The following ANO2 variants were observed in gnomAD, a reference collection of about 807,000 sequenced individuals.
ANO2 encodes anoctamin-2.
In ANO2, 101 loss-of-function variants were observed where a neutral mutation model predicts 124.2. The ratio of observed to expected loss-of-function variants is 0.81; its 90% CI spans 0.69 to 0.96. The LOEUF (loss-of-function observed/expected upper bound fraction) is 0.96. Among genes scored for constraint, ANO2 ranks in the 40% least tolerant of loss-of-function variants. The pLI is 0.00. For missense variants in ANO2, 1,293 were observed against 1,274.5 expected (o/e 1.01, Z -0.22); for synonymous variants, 486 against 482.5 (o/e 1.01, Z -0.09).
chr12:5,942,311 C>T (rs549978524), intron 1 of ANO2, among the ~76,000 whole-genome samples: 3 of 152,252 alleles, frequency 2.0e-5, no homozygotes, highest in South Asian at 4.1e-4. Context: ...AAGGCAAAAA[C>T]GTTCCTCTTT....
chr12:5,574,435 T>C (rs774722251), intron 23 of ANO2, among the ~76,000 whole-genome samples: 3 of 152,184 alleles, frequency 2.0e-5, no homozygotes, highest in Non-Finnish European at 4.4e-5. Flanking sequence ...TCGTTTTAAA[T>C]GTAACATGAT....
chr12:5,590,822 C>T (rs1943359732), intron 20 of ANO2, among the ~76,000 whole-genome samples: 1 of 152,148 alleles, frequency 6.6e-6, no homozygotes, highest in South Asian at 2.1e-4. Flanking sequence ...ATATGGGGGC[C>T]AATGGAATTT....
intron 7 of ANO2, among the ~76,000 whole-genome samples, chr12:5,816,808 T>A (rs1953625188): frequency 6.6e-6 from 1 of 152,192 alleles, no homozygotes. Flanking sequence ...TGTATCTCTA[T>A]TATAGCACCT....
At chr12:5,826,646 A>T (rs1227994134) in intron 7 of ANO2, among the ~76,000 whole-genome samples, 1 of 152,132 alleles carries the variant, frequency 6.6e-6, no homozygotes, top group Non-Finnish European at 1.5e-5. Flanking sequence ...TGAATATAGC[A>T]AAGCAAATTC....
At chr12:5,744,060 A>G (rs556515482) in intron 12 of ANO2, 97 bp downstream of exon 12, 1 of 1,474,108 alleles carries the variant, frequency 6.8e-7, no homozygotes, top group Admixed American at 2.1e-5. Context: ...AAAAAATGCG[A>G]AAGTAAGTAA....
chr12:5,916,560 T>A (rs186858517), intron 3 of ANO2, among the ~76,000 whole-genome samples: 6 of 149,074 alleles, frequency 4.0e-5, no homozygotes, highest in Non-Finnish European at 8.9e-5. Flanking sequence ...TAGTTAATGA[T>A]AATGTGTCAG....
intron 14 of ANO2, among the ~76,000 whole-genome samples, chr12:5,684,924 C>T (rs1948644179): frequency 6.6e-6 from 1 of 152,204 alleles, no homozygotes; most frequent in Non-Finnish European, 1.5e-5. Context: ...GACTCAAGCA[C>T]ATGACCTGTT....
chr12:5,615,313 G>A lies in ANO2; in HGVS notation c.1817-16C>T, dbSNP rs1417251333. The A allele has an allele frequency of 3.1e-6, 5 of 1,592,196 alleles. No individual in the cohort carries two copies. Among genetic ancestry groups the A allele is most frequent in the South Asian group, 2.3e-5 (2 of 88,682 alleles). On this transcript the variant is annotated splice_polypyrimidine_tract_variant and intron_variant, in intron 16 of 24. Transcript: ENST00000682330. ...TTCGGAACCTCTGTAAGAGAAGAGC[G>A]AGGCTGATGAGATTGGGGTGAGATT...
chr12:5,783,229 A>AT (rs1266421936), intron 10 of ANO2, among the ~76,000 whole-genome samples: 1 of 152,134 alleles, frequency 6.6e-6, no homozygotes, highest in Non-Finnish European at 1.5e-5. Flanking sequence ...TCATGATTAC[A>AT]TTTTATCTTG....
chr12:5,749,015 G>T (rs1209780470), intron 11 of ANO2, among the ~76,000 whole-genome samples: 1 of 151,830 alleles, frequency 6.6e-6, no homozygotes, highest in African/African-American at 2.4e-5. Context: ...GATTTGATTT[G>T]CAAACCATTT....
In ANO2 at chr12:5,602,395, C is replaced by T. The variant is rs566293988; in HGVS notation, c.2088-2766G>A. On this transcript the variant is annotated intron_variant, in intron 19 of 24. Transcript: ENST00000682330. The stretch of plus-strand genomic sequence containing the variant: ...CCTCCCAAGTAGCTAGGACTACAGG[C>T]ATGCACCACCAGGCCCAGCTAATAT... Among the ~76,000 whole-genome samples, 4 of 152,116 alleles carry T rather than the reference C, an allele frequency of 2.6e-5. No homozygotes were observed. The East Asian group carries it at 7.7e-4, about 29-fold the overall frequency.
At chr12:5,917,663 G>A (rs1193721138) in intron 3 of ANO2, among the ~76,000 whole-genome samples, 1 of 149,842 alleles carries the variant, frequency 6.7e-6, no homozygotes, top group African/African-American at 2.5e-5. Flanking sequence ...CACCTCCAGA[G>A]TTCAGGCAAT....
intron 10 of ANO2, among the ~76,000 whole-genome samples, chr12:5,766,570 G>T (rs558228738): frequency 6.6e-6 from 1 of 152,328 alleles, no homozygotes; most frequent in Admixed American, 6.5e-5. Flanking sequence ...ATGGGGACTG[G>T]AGTTTCCTGG....
chr12:5,578,162 C>T (rs549890100), intron 21 of ANO2, among the ~76,000 whole-genome samples, 155 bp from the exon 22 acceptor site: 1 of 152,210 alleles, frequency 6.6e-6, no homozygotes, highest in African/African-American at 2.4e-5. Context: ...AGGTAGCCCC[C>T]CCATCTGGAA....
chr12:5,565,383 AAG>A (rs1941686375), intron 24 of ANO2, among the ~76,000 whole-genome samples, 173 bp downstream of exon 24: 1 of 152,104 alleles, frequency 6.6e-6, no homozygotes, highest in Admixed American at 6.5e-5. Flanking sequence ...AAGCCCTCTC[AAG>A]AGTCCTCCTG....
At chr12:5,693,872 A>G (rs1949047935) in intron 14 of ANO2, among the ~76,000 whole-genome samples, 1 of 152,118 alleles carries the variant, frequency 6.6e-6, no homozygotes, top group Non-Finnish European at 1.5e-5. Context: ...GCCATGTGCC[A>G]GAGAGACCAT....
chr12:5,858,279 T>C (rs928948047), intron 3 of ANO2, among the ~76,000 whole-genome samples: 90 of 152,330 alleles, frequency 5.9e-4, no homozygotes, highest in African/African-American at 2.1e-3. Flanking sequence ...AAAATACCAC[T>C]CTGTATCCCA....
intron 9 of ANO2, among the ~76,000 whole-genome samples, chr12:5,805,124 G>C (rs528097930): frequency 3.3e-5 from 5 of 152,010 alleles, no homozygotes; most frequent in African/African-American, 1.2e-4. Context: ...GCAGAGAGGG[G>C]ACATGTGTAA....
chr12:5,767,989 A>AG (rs1269370018), intron 10 of ANO2, among the ~76,000 whole-genome samples: 4 of 152,116 alleles, frequency 2.6e-5, no homozygotes. Flanking sequence ...TGTGGACTGT[A>AG]GGGGGTGCAG....
Sources: gnomAD v4.1 joint callset for allele counts (sites outside exome capture counted in the v4.1 genomes callset) on GRCh38, gnomAD v4.1.1 for gene constraint, MANE v1.5 for transcripts, NCBI Gene and HGNC (gene_info 2026-07-23, HGNC 2026-07-21) for gene names.